Variants in LONRF2 observed in about 807,000 individuals in gnomAD.
LONRF2 encodes LON peptidase N-terminal domain and RING finger protein 2.
A neutral mutation model predicts 66.6 loss-of-function variants in LONRF2; 35 were observed. The observed-to-expected ratio is 0.53, with a 90% CI of 0.40 to 0.70. The LOEUF (loss-of-function observed/expected upper bound fraction) is 0.70. Among genes scored for constraint, LONRF2 ranks in the 30% least tolerant of loss-of-function variants. LONRF2 has a pLI of 0.00. For synonymous variants in LONRF2, 417 were observed against 418.1 expected (o/e 1.00, Z 0.03); for missense variants, 902 against 1,002.1 (o/e 0.90, Z 1.35).
At position 100,294,333 on chromosome 2, in the gene LONRF2, T is replaced by C. The variant is rs774840679; in HGVS notation, c.1653A>G (p.Pro551=). 2.5e-6 allele frequency: 4 copies of C among 1,606,824 alleles called. No individual in the cohort carries two copies. The highest frequency in any genetic ancestry group is 2.5e-6 in the Non-Finnish European group (3 of 1,177,408). ...GGGGCTCAAAAACGTGGAGTGGACA[T>C]GGGACCGTGGGGAAGGCCATGGCAC... The part of the protein sequence containing the change: ...FVCAMAFPTV[P]CPLHVFEPRY... Residue 551 remains proline, a synonymous_variant, in exon 9 of 12, where the codon CCA becomes CCG. Transcript: ENST00000393437.
At position 100,321,731 on chromosome 2, in the gene LONRF2, C is replaced by G. The variant is rs532595881; in HGVS notation, c.363G>C (p.Glu121Asp). The G allele has an allele frequency of 8.5e-5, 95 of 1,120,832 alleles. 2 individuals are homozygous for G. The South Asian group carries it at 3.3e-3, about 39-fold the overall frequency. The allele number at this position is 1,120,832 out of a possible 1,614,324, so 69.4% of individuals were successfully genotyped here. A position where few individuals can be genotyped will look rare whatever the true frequency, so the allele number is the denominator to read the frequency against. ...RPLSAENPGG[E>D]PEAPGEGGPA... ...GCCCTCCCTCGCCGGGCGCCTCGGGCTCGCCGCCCGGGTTCTCCGCGGACA... is the reference window on the plus strand; with the variant it reads ...GCCCTCCCTCGCCGGGCGCCTCGGGGTCGCCGCCCGGGTTCTCCGCGGACA... Residue 121 changes from glutamate (E) to aspartate (D), a missense_variant, in exon 1 of 12, where the codon GAG (glutamate) becomes GAC (aspartate). Around this residue, in one of 2 missense-constraint regions of LONRF2, gnomAD observed 585 missense variants for 569.9 expected, o/e 1.03. Coordinates refer to ENST00000393437, the MANE Select transcript of LONRF2 (RefSeq NM_198461.4).
intron 1 of LONRF2, among the ~76,000 whole-genome samples, chr2:100,309,814 A>G (rs1225133714): frequency 2.6e-5 from 4 of 152,124 alleles, no homozygotes; most frequent in African/African-American, 9.7e-5. Flanking sequence ...CTGGGATTAC[A>G]GGTATGTGCC....
chr2:100,318,895 G>A (rs998074000), intron 1 of LONRF2, among the ~76,000 whole-genome samples: 5 of 151,768 alleles, frequency 3.3e-5, no homozygotes, highest in Non-Finnish European at 5.9e-5. Flanking sequence ...ACTTTGGGAG[G>A]CTGAGGCGGG....
intron 1 of LONRF2, among the ~76,000 whole-genome samples, chr2:100,311,781 C>T (rs975246248): frequency 6.6e-6 from 1 of 152,144 alleles, no homozygotes; most frequent in African/African-American, 2.4e-5. Flanking sequence ...ATTTTATAGA[C>T]TGCTTTCAGC....
Position 100,303,017 on chromosome 2 carries a change from A to G in LONRF2, c.825T>C (p.Leu275=), listed in dbSNP as rs1488039901. The G allele has an allele frequency of 1.2e-6, 2 of 1,609,730 alleles. No individual in the cohort carries two copies. The highest frequency in any genetic ancestry group is 1.7e-6 in the Non-Finnish European group (2 of 1,177,712). ...IKGHQVKAQA[L]SGLGRSKEVL... ...CTTCCTTACTTCTTCCCAATCCAGA[A>G]AGAGCCTGAGCTTTTACTTGATGTC... Residue 275 remains leucine (L), a synonymous_variant, in exon 3 of 12, where the codon CTT becomes CTC. Coordinates refer to ENST00000393437, the MANE Select transcript of LONRF2 (RefSeq NM_198461.4).
intron 4 of LONRF2, 76 bp from the exon 5 acceptor site, chr2:100,299,994 G>A (rs901213778): frequency 1.8e-6 from 1 of 556,460 alleles, no homozygotes; most frequent in Non-Finnish European, 2.8e-6. Context: ...GCAGAAGCCT[G>A]TACTAGAAAT....
intron 11 of LONRF2, among the ~76,000 whole-genome samples, chr2:100,285,488 C>G (rs921667219): frequency 5.9e-5 from 9 of 152,066 alleles, no homozygotes; most frequent in Admixed American, 5.2e-4. Flanking sequence ...ACCTAAAATC[C>G]CTCTGTAGTC....
At chr2:100,292,960 G>T (rs1434400295) in intron 9 of LONRF2, among the ~76,000 whole-genome samples, 1 of 151,846 alleles carries the variant, frequency 6.6e-6, no homozygotes, top group African/African-American at 2.4e-5. Context: ...TATAAATTTG[G>T]CGTCCACATA....
chr2:100,310,189 G>A (rs539517823), intron 1 of LONRF2, among the ~76,000 whole-genome samples: 1 of 152,264 alleles, frequency 6.6e-6, no homozygotes, highest in African/African-American at 2.4e-5. Context: ...TGCAGTCTAC[G>A]AAGTATTGAC....
At chr2:100,318,635 C>G (rs1234773323) in intron 1 of LONRF2, among the ~76,000 whole-genome samples, 1 of 148,248 alleles carries the variant, frequency 6.7e-6, no homozygotes, top group Admixed American at 6.7e-5. Flanking sequence ...GAGATCAGCC[C>G]GGACAACATA....
chr2:100,290,805 C>T (rs1674944402), intron 9 of LONRF2, among the ~76,000 whole-genome samples: 2 of 152,188 alleles, frequency 1.3e-5, no homozygotes, highest in Non-Finnish European at 2.9e-5. Flanking sequence ...CTTTCCAAAG[C>T]TCTCCCCAGC....
rs1450343780 is a variant in LONRF2 at position 100,273,540 on chromosome 2, T to C, written c.*10758A>G. The C allele has an allele frequency of 1.3e-5, 2 of 152,218 alleles. No individual in the cohort carries two copies. 9.4% of individuals were successfully genotyped at this position (152,218 alleles called of 1,614,324 possible). ...ATGAACAGTACAAGAATACATGAAG[T>C]AAATATCATAACATTTAAGTTTCGT... On this transcript the variant is annotated 3_prime_UTR_variant, in exon 12 of 12. Transcript: ENST00000393437.
chr2:100,273,494 A>G lies in LONRF2; in HGVS notation c.*10804T>C, dbSNP rs1674538211. Reference sequence around the variant, plus strand: ...TCAGTTCAAATATCACATATTAGATATACAATACCAATTAATTGAAATGAA... The same window carrying G: ...TCAGTTCAAATATCACATATTAGATGTACAATACCAATTAATTGAAATGAA... On this transcript the variant is annotated 3_prime_UTR_variant, in exon 12 of 12. Transcript: ENST00000393437. The G allele has an allele frequency of 6.6e-6, 1 of 152,256 alleles. No homozygotes were observed. Among genetic ancestry groups the G allele is most frequent in the East Asian group, 1.9e-4 (1 of 5,200 alleles). The allele number at this position is 152,256 out of a possible 1,614,324, so 9.4% of individuals were successfully genotyped here.
rs1674794815 is a variant in LONRF2 at position 100,284,085 on chromosome 2, C to A, written c.*213G>T. On this transcript the variant is annotated 3_prime_UTR_variant, in exon 12 of 12. Coordinates refer to ENST00000393437, the MANE Select transcript of LONRF2 (RefSeq NM_198461.4). Reference sequence around the variant, plus strand: ...TCTTAGGTTGTTTTCCAACTATGGGCTCCATTCAGACTTCAGGCTAACCTC... The same window carrying A: ...TCTTAGGTTGTTTTCCAACTATGGGATCCATTCAGACTTCAGGCTAACCTC... 2.1e-6 allele frequency: 1 copy of A among 473,202 alleles called. No individual in the cohort carries two copies. Among genetic ancestry groups the A allele is most frequent in the East Asian group, 3.5e-5 (1 of 28,406 alleles). 29.3% of individuals were successfully genotyped at this position (473,202 alleles called of 1,614,324 possible).
chr2:100,311,076 G>A (rs1675398251), intron 1 of LONRF2, among the ~76,000 whole-genome samples: 1 of 152,128 alleles, frequency 6.6e-6, no homozygotes, highest in South Asian at 2.1e-4. Context: ...CTGTGAAAGT[G>A]CTGGCATCAA....
In LONRF2 at chr2:100,321,988, C is replaced by T. The variant is rs1675645051; in HGVS notation, c.106G>A (p.Ala36Thr). The change falls in exon 1 of 12, where the codon GCG becomes ACG. Residue 36 changes from alanine to threonine, a missense_variant. Transcript: ENST00000393437. ...TCGGCTGCCATCTCGTAGTCGCCCG[C>T]GCGGAAGGCCTCGTCGCCCTCCTCT... ...RLEEGDEAFR[A>T]GDYEMAAELF... 1.4e-6 allele frequency: 2 copies of T among 1,462,880 alleles called. No individual in the cohort carries two copies. The highest frequency in any genetic ancestry group is 2.6e-5 in the South Asian group (2 of 76,288). 90.6% of individuals were successfully genotyped at this position (1,462,880 alleles called of 1,614,324 possible).
In LONRF2 at chr2:100,293,579, A is replaced by G. The variant is rs144294293; in HGVS notation, c.1757+650T>C. 2.1e-3 allele frequency among the ~76,000 whole-genome samples: 321 copies of G among 152,250 alleles called. 3 individuals carry two copies. The highest frequency in any genetic ancestry group is 7.0e-3 in the African/African-American group (290 of 41,560). ...GGGATGGGAGGGTCCTGAGTCCCCA[A>G]ATCAGTCCACAGAGGGGAATGACCT... On this transcript the variant is annotated intron_variant, in intron 9 of 11. Coordinates refer to ENST00000393437, the MANE Select transcript of LONRF2 (RefSeq NM_198461.4).
At position 100,299,259 on chromosome 2, in the gene LONRF2, T is replaced by A; in HGVS notation, c.1328A>T (p.Asp443Val). ...GAGGGCACACTCAAAGTCAGTTACA[T>A]CAAGCGAGAGCCCCTGACTTTCTTC... ...ETEESQGLSL[D>V]VTDFECALCM... is the part of the protein sequence containing the mutation. Residue 443 changes from aspartate (D) to valine (V), a missense_variant, in exon 6 of 12, where the codon GAT becomes GTT. Coordinates refer to ENST00000393437, the MANE Select transcript of LONRF2 (RefSeq NM_198461.4). 2.5e-6 allele frequency: 4 copies of A among 1,594,792 alleles called. No individual in the cohort carries two copies. The highest frequency in any genetic ancestry group is 3.4e-6 in the Non-Finnish European group (4 of 1,168,628).
Position 100,280,834 on chromosome 2 carries a change from AC to A in LONRF2, c.*3463del, listed in dbSNP as rs1312640593. 6.6e-6 allele frequency: 1 copy of A among 152,156 alleles called. No individual in the cohort carries two copies. The highest frequency in any genetic ancestry group is 2.4e-5 in the African/African-American group (1 of 41,434). 9.4% of individuals were successfully genotyped at this position (152,156 alleles called of 1,614,324 possible). The stretch of plus-strand genomic sequence containing the variant: ...CCTCCCTACCCTACTCAATAGTTAT[AC>A]TGGGGAAAAATAAAACTCTGTGCTT... On this transcript the variant is annotated 3_prime_UTR_variant, in exon 12 of 12. Coordinates refer to ENST00000393437, the MANE Select transcript of LONRF2 (RefSeq NM_198461.4).
Sources: gnomAD v4.1 joint callset for allele counts (sites outside exome capture counted in the v4.1 genomes callset) on GRCh38, gnomAD v4.1.1 for gene constraint, gnomAD v4.1.1 regional missense constraint, MANE v1.5 for transcripts, NCBI Gene and HGNC (gene_info 2026-07-23, HGNC 2026-07-21) for gene names.